The following PSPC1 variants were observed in gnomAD, a reference collection of about 807,000 sequenced individuals.
PSPC1 encodes paraspeckle component 1.
In PSPC1, 14 loss-of-function variants were observed where a neutral mutation model predicts 51.6. That is an observed-to-expected ratio of 0.27 (90% confidence interval 0.18 to 0.42). The LOEUF (loss-of-function observed/expected upper bound fraction) is 0.42. Ranked by LOEUF, PSPC1 falls within the 10% of genes least tolerant of loss-of-function variation. PSPC1 has a pLI of 1.00. For missense variants in PSPC1, 406 were observed against 701.1 expected (o/e 0.58, Z 4.75); for synonymous variants, 193 against 231.9 (o/e 0.83, Z 1.53).
chr13:19,742,247 G>A (rs1295590793), intron 4 of PSPC1, among the ~76,000 whole-genome samples: 1 of 125,400 alleles, frequency 8.0e-6, no homozygotes, highest in African/African-American at 2.8e-5. Context: ...AACAGAGTGA[G>A]ATGACTCAAT....
At chr13:19,681,468 T>A (rs17085682) in intron 6 of PSPC1, among the ~76,000 whole-genome samples, 1,727 of 152,278 alleles carry the variant, frequency 0.011, 32 homozygotes, top group African/African-American at 0.038. Context: ...ATATATGATC[T>A]AATGAGCATG....
At chr13:19,691,395 G>A (rs1431546656) in intron 6 of PSPC1, among the ~76,000 whole-genome samples, 1 of 151,968 alleles carries the variant, frequency 6.6e-6, no homozygotes, top group East Asian at 1.9e-4. Flanking sequence ...AGCTAGGCAT[G>A]GTGGCATGCA....
chr13:19,684,984 A>G (rs1177257905), intron 6 of PSPC1, among the ~76,000 whole-genome samples: 1 of 152,246 alleles, frequency 6.6e-6, no homozygotes, highest in Non-Finnish European at 1.5e-5. Context: ...AGTTTAAAAG[A>G]TATCTGTCAC....
chr13:19,706,921 G>A (rs1329858258), intron 7 of PSPC1, among the ~76,000 whole-genome samples: 3 of 152,070 alleles, frequency 2.0e-5, no homozygotes, highest in Non-Finnish European at 4.4e-5. Flanking sequence ...AAATTCATAG[G>A]AAGGAATTAT....
intron 5 of PSPC1, among the ~76,000 whole-genome samples, chr13:19,731,340 T>A (rs1884088190): frequency 6.6e-6 from 1 of 152,108 alleles, no homozygotes; most frequent in Non-Finnish European, 1.5e-5. Context: ...ACAGGTTGAG[T>A]TTCCCTAAAC....
chr13:19,772,576 G>T, intron 1 of PSPC1, 33 bp from the exon 2 acceptor site: 1 of 1,546,258 alleles, frequency 6.5e-7, no homozygotes, highest in South Asian at 1.2e-5. Flanking sequence ...TTTAAAAGAT[G>T]ACAGTAACAG....
chr13:19,766,660 G>A (rs1229222708), intron 2 of PSPC1, among the ~76,000 whole-genome samples: 1 of 151,952 alleles, frequency 6.6e-6, no homozygotes, highest in Non-Finnish European at 1.5e-5. Flanking sequence ...CTGGGTGAGA[G>A]TAAGACCTTA....
At chr13:19,770,954 AT>A (rs1158431425) in intron 2 of PSPC1, among the ~76,000 whole-genome samples, 1 of 151,564 alleles carries the variant, frequency 6.6e-6, no homozygotes, top group Non-Finnish European at 1.5e-5. Context: ...AATGTCTTTT[AT>A]TATTTTATTA....
intron 5 of PSPC1, among the ~76,000 whole-genome samples, chr13:19,731,627 T>C (rs1262462822): frequency 6.6e-6 from 1 of 152,172 alleles, no homozygotes; most frequent in African/African-American, 2.4e-5. Flanking sequence ...TTGCCCAGAC[T>C]GGTCTTAAAC....
chr13:19,756,173 G>A (rs1203199682), intron 3 of PSPC1, among the ~76,000 whole-genome samples: 2 of 152,080 alleles, frequency 1.3e-5, no homozygotes, highest in South Asian at 2.1e-4. Flanking sequence ...GGGAGGTGGA[G>A]GTTGCAGTGA....
intron 1 of PSPC1, among the ~76,000 whole-genome samples, chr13:19,774,046 G>A (rs1485109598): frequency 1.3e-5 from 2 of 152,048 alleles, no homozygotes; most frequent in African/African-American, 2.4e-5. Flanking sequence ...CAACATTCAC[G>A]AGCTATAATA....
chr13:19,717,823 C>T (rs1190133967), intron 6 of PSPC1, among the ~76,000 whole-genome samples: 2 of 151,064 alleles, frequency 1.3e-5, no homozygotes, highest in Non-Finnish European at 2.9e-5. Context: ...TTGCAGTGAG[C>T]TGAGATCGTG....
At chr13:19,734,552 A>G (rs998372620) in intron 5 of PSPC1, among the ~76,000 whole-genome samples, 4 of 152,222 alleles carry the variant, frequency 2.6e-5, no homozygotes, top group Admixed American at 6.5e-5. Flanking sequence ...CTGTAATCCC[A>G]GCACTTTGGG....
chr13:19,750,847 G>A (rs1194165325), intron 4 of PSPC1, among the ~76,000 whole-genome samples: 3 of 151,982 alleles, frequency 2.0e-5, no homozygotes, highest in Admixed American at 2.0e-4. Flanking sequence ...TCAGCTCACA[G>A]CAACCTCTAC....
At chr13:19,738,735 G>A (rs532559589) in intron 5 of PSPC1, among the ~76,000 whole-genome samples, 14 of 151,952 alleles carry the variant, frequency 9.2e-5, no homozygotes, top group Admixed American at 6.6e-5. Flanking sequence ...GTGAAACCCC[G>A]TCTCTACTAA....
chr13:19,673,110 T>C (rs1565947112), downstream of PSPC1: 1 of 345,224 alleles, frequency 2.9e-6, no homozygotes, highest in Non-Finnish European at 5.6e-6. Flanking sequence ...TTTTTTTTTT[T>C]GAAAAGCCAG....
intron 4 of PSPC1, among the ~76,000 whole-genome samples, chr13:19,749,281 G>C (rs1886294894): frequency 6.6e-6 from 1 of 152,122 alleles, no homozygotes; most frequent in Admixed American, 6.6e-5. Flanking sequence ...CCCCGAGGTG[G>C]AGGTTGCAGT....
At chr13:19,738,793 G>A (rs1415822220) in intron 5 of PSPC1, among the ~76,000 whole-genome samples, 1 of 151,990 alleles carries the variant, frequency 6.6e-6, no homozygotes. Context: ...TATAGTCCCA[G>A]CTACTTGGGA....
chr13:19,723,574 T>A lies in PSPC1; in HGVS notation c.1158+6665A>T, dbSNP rs182581329. On this transcript the variant is annotated intron_variant, in intron 6 of 8. Coordinates refer to ENST00000338910, the MANE Select transcript of PSPC1 (RefSeq NM_001354909.2). ...ACGGTTTCCCACACATCATTAGATATTATTGAAACTATTAAATAATCTTTG... is the reference window on the plus strand; with the variant it reads ...ACGGTTTCCCACACATCATTAGATAATATTGAAACTATTAAATAATCTTTG... Among the ~76,000 whole-genome samples the A allele has an allele frequency of 2.3e-3, 348 of 152,326 alleles. 3 individuals are homozygous for A. The highest frequency in any genetic ancestry group is 1.6e-3 in the Non-Finnish European group (106 of 68,026).
Sources: gnomAD v4.1 joint callset for allele counts (sites outside exome capture counted in the v4.1 genomes callset) on GRCh38, gnomAD v4.1.1 for gene constraint, MANE v1.5 for transcripts, NCBI Gene and HGNC (gene_info 2026-07-23, HGNC 2026-07-21) for gene names.